The following ABCC4 variants were observed in gnomAD, a reference collection of about 807,000 sequenced individuals.
ABCC4 encodes ATP-binding cassette sub-family C member 4.
ABCC4 carries 102 observed loss-of-function variants against 168.5 expected under a neutral mutation model. The observed-to-expected ratio is 0.61, with a 90% CI of 0.52 to 0.71. The LOEUF is 0.71. Ranked by LOEUF, ABCC4 falls within the 30% of genes least tolerant of loss-of-function variation. The pLI is 0.00. For synonymous variants in ABCC4, 617 were observed against 590.7 expected (o/e 1.04, Z -0.65); for missense variants, 1,402 against 1,605.8 (o/e 0.87, Z 2.17).
At position 95,166,284 on chromosome 13, in the gene ABCC4, C is replaced by T. The variant is rs1338550400; in HGVS notation, c.1908G>A (p.Glu636=). Residue 636 remains glutamate, a synonymous_variant, in exon 15 of 31, where the codon GAG becomes GAA. Transcript: ENST00000645237. The part of the protein sequence containing the change: ...DFGSLLKKDN[E]ESEQPPVPGT... ...CTGGAACTGGAGGTTGTTCACTTTCCTCATTATCCTTCTTTAAAAGGGAGC... is the reference window on the plus strand; with the variant it reads ...CTGGAACTGGAGGTTGTTCACTTTCTTCATTATCCTTCTTTAAAAGGGAGC... 6.2e-7 allele frequency: 1 copy of T among 1,614,084 alleles called. No individual in the cohort carries two copies. Among genetic ancestry groups the T allele is most frequent in the South Asian group, 1.1e-5 (1 of 91,070 alleles).
intron 27 of ABCC4, among the ~76,000 whole-genome samples, chr13:95,052,111 G>C (rs1213548656): frequency 1.3e-5 from 2 of 152,118 alleles, no homozygotes; most frequent in African/African-American, 4.8e-5. Context: ...CTCCTGAGTA[G>C]CTGGGACTAC....
chr13:95,161,137 A>G, intron 19 of ABCC4, 52 bp downstream of exon 19: 1 of 1,427,680 alleles, frequency 7.0e-7, no homozygotes, highest in Non-Finnish European at 9.4e-7. Flanking sequence ...ATCAGATCCT[A>G]AATGTGTTGT....
intron 26 of ABCC4, among the ~76,000 whole-genome samples, chr13:95,057,528 G>T (rs1007913281): frequency 6.6e-6 from 1 of 152,094 alleles, no homozygotes; most frequent in African/African-American, 2.4e-5. Context: ...GTGAGCCACC[G>T]TGCCCGGCCC....
chr13:95,071,805 C>A lies in ABCC4; in HGVS notation c.3067G>T (p.Ala1023Ser). 1 of 1,601,488 alleles carries A rather than the reference C, an allele frequency of 6.2e-7. No individual in the cohort carries two copies. Residue 1023 changes from alanine (A) to serine (S), a missense_variant, in exon 25 of 31, where the codon GCA becomes TCA. Ala to Ser is a moderately conservative substitution (Grantham distance 99). Transcript: ENST00000645237. ...VIEYTDLEKE[A>S]PWEYQKRPPP... The stretch of plus-strand genomic sequence containing the variant: ...GGGCGTTTCTGATATTCCCAAGGTG[C>A]TTCTTTTTCAAGGTCTGTGTATTCA...
chr13:95,242,972 T>C (rs1483526394), intron 3 of ABCC4, among the ~76,000 whole-genome samples: 2 of 152,208 alleles, frequency 1.3e-5, no homozygotes, highest in Non-Finnish European at 2.9e-5. Flanking sequence ...CTACCAGTTA[T>C]TATGTTAAAG....
In ABCC4 at chr13:95,158,071, C is replaced by CA. The variant is rs35037278; in HGVS notation, c.2455+3117dup. The stretch of plus-strand genomic sequence containing the variant: ...TGGGTGACAGAGCAAGACTCCGTCT[C>CA]AAAAAAAAAAAAAAAAAAGAAACAG... On this transcript the variant is annotated intron_variant, in intron 19 of 30. Coordinates refer to ENST00000645237, the MANE Select transcript of ABCC4 (RefSeq NM_005845.5). 9.9e-3 allele frequency among the ~76,000 whole-genome samples: 840 copies of CA among 84,510 alleles called. 6 individuals are homozygous for CA. Among genetic ancestry groups the CA allele is most frequent in the East Asian group, 0.029 (73 of 2,520 alleles). The allele number at this position is 84,510 out of a possible 152,430, so 55.4% of individuals were successfully genotyped here. A position where few individuals can be genotyped will look rare whatever the true frequency, so the allele number is the denominator to read the frequency against.
intron 30 of ABCC4, among the ~76,000 whole-genome samples, chr13:95,027,924 G>A (rs966816722): frequency 4.6e-5 from 7 of 152,046 alleles, no homozygotes; most frequent in Non-Finnish European, 7.4e-5. Context: ...ACCTAACCAC[G>A]CCATATACAG....
At chr13:95,192,423 G>A (rs1330197714) in intron 9 of ABCC4, among the ~76,000 whole-genome samples, 1 of 152,130 alleles carries the variant, frequency 6.6e-6, no homozygotes, top group Non-Finnish European at 1.5e-5. Context: ...TGTTTACAAT[G>A]CAGCTGTCAA....
At chr13:95,277,236 G>A (rs1390403198) in intron 1 of ABCC4, among the ~76,000 whole-genome samples, 1 of 151,970 alleles carries the variant, frequency 6.6e-6, no homozygotes, top group Non-Finnish European at 1.5e-5. Context: ...AAGGGAGAGG[G>A]GAGAGGGAAA....
At chr13:95,128,506 T>C (rs2035858947) in intron 19 of ABCC4, among the ~76,000 whole-genome samples, 1 of 152,252 alleles carries the variant, frequency 6.6e-6, no homozygotes, top group African/African-American at 2.4e-5. Context: ...CTGCAAGTCC[T>C]TGTTGGCTCT....
chr13:95,164,547 A>C, intron 15 of ABCC4, 29 bp from the exon 16 acceptor site: 1 of 1,613,126 alleles, frequency 6.2e-7, no homozygotes, highest in Non-Finnish European at 8.5e-7. Flanking sequence ...GGTAAGAGAC[A>C]AAACAGTATA....
intron 1 of ABCC4, among the ~76,000 whole-genome samples, chr13:95,254,042 T>C (rs1439654038): frequency 1.3e-5 from 2 of 152,016 alleles, no homozygotes; most frequent in Non-Finnish European, 2.9e-5. Context: ...ACAAGGCACG[T>C]GCTACCATGC....
At chr13:95,073,970 C>T (rs969124534) in intron 23 of ABCC4, among the ~76,000 whole-genome samples, 1 of 152,172 alleles carries the variant, frequency 6.6e-6, no homozygotes, top group Admixed American at 6.5e-5. Context: ...CAGGAATGTT[C>T]AGAATCTCAA....
At chr13:95,157,002 G>A (rs144329006) in intron 19 of ABCC4, among the ~76,000 whole-genome samples, 5,556 of 151,946 alleles carry the variant, frequency 0.037, 321 homozygotes, top group African/African-American at 0.12. Context: ...TGAGGCAGGA[G>A]AATCACTTGA....
intron 19 of ABCC4, among the ~76,000 whole-genome samples, chr13:95,123,881 T>C (rs1214549059): frequency 6.6e-6 from 1 of 152,112 alleles, no homozygotes; most frequent in Non-Finnish European, 1.5e-5. Context: ...TCAGCCCTCA[T>C]GGGAACAGGG....
chr13:95,182,581 C>G (rs941421744), intron 11 of ABCC4, among the ~76,000 whole-genome samples: 1 of 152,178 alleles, frequency 6.6e-6, no homozygotes, highest in Non-Finnish European at 1.5e-5. Context: ...ATTGGTGGCT[C>G]TTATAATTAA....
At chr13:95,153,157 C>G (rs998650281) in intron 19 of ABCC4, among the ~76,000 whole-genome samples, 2 of 152,158 alleles carry the variant, frequency 1.3e-5, no homozygotes, top group Admixed American at 1.3e-4. Flanking sequence ...CATGAAGATA[C>G]TTTGATTCTT....
Position 95,234,810 on chromosome 13 carries a change from T to C in ABCC4, c.331A>G (p.Ile111Val). Residue 111 changes from isoleucine to valine, a missense_variant, in exon 4 of 31, where the codon ATA becomes GTA. Around this residue, in one of 3 missense-constraint regions of ABCC4, gnomAD observed 317 missense variants for 345.5 expected, o/e 0.92. Transcript: ENST00000645237. Reference sequence around the variant, plus strand: ...TAATTAATAATTTTTCCCAAAAATATGGGCTGGATTACTTTGGCACTTTCC... The same window carrying C: ...TAATTAATAATTTTTCCCAAAAATACGGGCTGGATTACTTTGGCACTTTCC... ...IEESAKVIQP[I>V]FLGKIINYFE... 6.4e-7 allele frequency: 1 copy of C among 1,567,012 alleles called. No homozygotes were observed. Among genetic ancestry groups the C allele is most frequent in the Non-Finnish European group, 8.7e-7 (1 of 1,154,436 alleles).
At chr13:95,289,697 T>G (rs2041343485) in intron 1 of ABCC4, among the ~76,000 whole-genome samples, 1 of 152,194 alleles carries the variant, frequency 6.6e-6, no homozygotes, top group Admixed American at 6.5e-5. Context: ...AGCGAACCTT[T>G]GGCCAGAAAA....
Sources: allele counts gnomAD v4.1 joint callset (sites outside exome capture counted in the v4.1 genomes callset), GRCh38; gene constraint gnomAD v4.1.1; regional missense constraint gnomAD v4.1.1; transcripts MANE v1.5; gene names NCBI Gene and HGNC (gene_info 2026-07-23, HGNC 2026-07-21).